THBS1: variants seen among roughly 807,000 people sequenced by gnomAD.
THBS1 encodes thrombospondin-1.
THBS1 carries 29 observed loss-of-function variants against 126.1 expected under a neutral mutation model. The observed-to-expected ratio is 0.23, with a 90% CI of 0.17 to 0.31. The LOEUF (loss-of-function observed/expected upper bound fraction) is 0.31, where lower values mean the gene tolerates loss of function less well. Among genes scored for constraint, THBS1 ranks in the 10% least tolerant of loss-of-function variants. THBS1 has a pLI of 1.00. For missense variants in THBS1, 1,198 were observed against 1,545.2 expected, an observed-to-expected ratio of 0.78 and a Z score of 3.77; for synonymous variants, 496 against 577.8, an observed-to-expected ratio of 0.86 and a Z score of 2.03.
chr15:39,595,884 T>G lies in THBS1; in HGVS notation c.*515T>G, dbSNP rs1890431196. ...TATGAAGAAAATATGGAGGAACTGT[T>G]ACATGTTCGGTACTAAGTCATTTTC... On this transcript the variant is annotated 3_prime_UTR_variant, in exon 22 of 22. Coordinates refer to ENST00000260356, the MANE Select transcript of THBS1 (RefSeq NM_003246.4). 2 of 456,320 alleles carry G rather than the reference T, an allele frequency of 4.4e-6. No individual in the cohort carries two copies. Among genetic ancestry groups the G allele is most frequent in the African/African-American group, 4.0e-5 (2 of 50,104 alleles). The allele number at this position is 456,320 out of a possible 1,614,324, so 28.3% of individuals were successfully genotyped here. A position where few individuals can be genotyped will look rare whatever the true frequency, so the allele number is the denominator to read the frequency against.
chr15:39,582,946 A>G (rs1306339046), intron 3 of THBS1, among the ~76,000 whole-genome samples, 194 bp downstream of exon 3: 7 of 152,176 alleles, frequency 4.6e-5, no homozygotes, highest in Admixed American at 2.0e-4. Context: ...ATTCTGTAAA[A>G]CTGCAACTCT....
At chr15:39,586,060 C>T (rs908846405) in intron 7 of THBS1, among the ~76,000 whole-genome samples, 3 of 152,140 alleles carry the variant, frequency 2.0e-5, no homozygotes, top group African/African-American at 4.8e-5. Flanking sequence ...AAATAAGGCA[C>T]GATATCGTTC....
At chr15:39,583,566 A>AAACCC in intron 3 of THBS1, 51 bp from the exon 4 acceptor site, 1 of 716,662 alleles carries the variant, frequency 1.4e-6, no homozygotes, top group Non-Finnish European at 2.4e-6. Context: ...CCCCAACCCC[A>AAACCC]TCCCCACCCC....
At chr15:39,595,292 A>ACTGAT in intron 21 of THBS1, 70 bp from the exon 22 acceptor site, 1 of 1,052,064 alleles carries the variant, frequency 9.5e-7, no homozygotes, top group Non-Finnish European at 1.3e-6. Flanking sequence ...TTAACTTATT[A>ACTGAT]ACTAAGATGT....
Position 39,587,488 on chromosome 15 carries a change from G to A in THBS1, c.1262G>A (p.Arg421Gln), listed in dbSNP as rs1347334087. The A allele has an allele frequency of 1.2e-5, 19 of 1,612,972 alleles. No homozygotes were observed. The highest frequency in any genetic ancestry group is 1.6e-4 in the Middle Eastern group (1 of 6,084). Residue 421 changes from arginine to glutamine, a missense_variant, in exon 8 of 22, where the codon CGG (arginine) becomes CAG (glutamine). This residue lies in a region of THBS1 where 663 missense variants were observed against 860.1 expected (regional missense o/e 0.77). Transcript: ENST00000260356. Reference protein sequence around the residue: ...NRCEGSSVQTRTCHIQECDKR... With the variant: ...NRCEGSSVQTQTCHIQECDKR... ...TGTGAGGGCTCCTCGGTCCAGACAC[G>A]GACCTGCCACATTCAGGAGTGTGAC... is the stretch of plus-strand genomic sequence containing the variant.
rs1890550496 is a variant in THBS1 at position 39,599,082 on chromosome 15, A to G, written c.*3713A>G. The stretch of plus-strand genomic sequence containing the variant: ...CTGGGACTACAAGCGCCCGCCACCA[A>G]GCCTGGCTAATTCTGTATTTTTAGT... On this transcript the variant is annotated 3_prime_UTR_variant, in exon 22 of 22. Coordinates refer to ENST00000260356, the MANE Select transcript of THBS1 (RefSeq NM_003246.4). The G allele has an allele frequency of 6.6e-6, 1 of 152,128 alleles. No homozygotes were observed. The highest frequency in any genetic ancestry group is 2.4e-5 in the African/African-American group (1 of 41,404). The allele number at this position is 152,128 out of a possible 1,614,324, so 9.4% of individuals were successfully genotyped here. A position where few individuals can be genotyped will look rare whatever the true frequency, so the allele number is the denominator to read the frequency against.
Position 39,590,496 on chromosome 15 carries a change from A to G in THBS1, c.2146-20A>G, listed in dbSNP as rs771536030. On this transcript the variant is annotated intron_variant, in intron 13 of 21. Transcript: ENST00000260356. ...TGAGGAAGGCAACTGAAGCAGTGATATATATCTTCTCTTTCCTAGGATAAT... is the reference window on the plus strand; with the variant it reads ...TGAGGAAGGCAACTGAAGCAGTGATGTATATCTTCTCTTTCCTAGGATAAT... 1.6e-5 allele frequency: 26 copies of G among 1,593,324 alleles called. No individual in the cohort carries two copies. The highest frequency in any genetic ancestry group is 2.1e-5 in the Non-Finnish European group (25 of 1,163,670).
chr15:39,582,279 C>T lies in THBS1; in HGVS notation c.154C>T (p.Pro52Ser), dbSNP rs149965343. The T allele has an allele frequency of 2.2e-5, 36 of 1,614,052 alleles. No individual in the cohort carries two copies. The African/African-American group carries it at 3.6e-4, about 16-fold the overall frequency. The change falls in exon 3 of 22, where the codon CCC (proline) becomes TCC (serine). Residue 52 changes from proline to serine, a missense_variant. Pro to Ser is a moderately conservative substitution (Grantham distance 74). Around this residue, in one of 4 missense-constraint regions of THBS1, gnomAD observed 271 missense variants for 277.0 expected, o/e 0.98. Transcript: ENST00000260356. The stretch of plus-strand genomic sequence containing the variant: ...GTCTGGGCGCCGACTGGTGAAGGGC[C>T]CCGACCCTTCCAGCCCAGCTTTCCG... ...KGSGRRLVKGPDPSSPAFRIE... is the reference protein window; with the variant it reads ...KGSGRRLVKGSDPSSPAFRIE...
At chr15:39,590,223 CTG>C (rs1486460525) in intron 13 of THBS1, among the ~76,000 whole-genome samples, 200 bp downstream of exon 13, 1 of 152,150 alleles carries the variant, frequency 6.6e-6, no homozygotes, top group Non-Finnish European at 1.5e-5. Flanking sequence ...TTTTGGGCAA[CTG>C]TGTTCCATAG....
Position 39,581,163 on chromosome 15 carries a change from C to A in THBS1, c.-95C>A. The A allele has an allele frequency of 6.5e-6, 1 of 154,394 alleles. No individual in the cohort carries two copies. Among genetic ancestry groups the A allele is most frequent in the South Asian group, 1.8e-4 (1 of 5,628 alleles). The allele number at this position is 154,394 out of a possible 1,614,324, so 9.6% of individuals were successfully genotyped here. A position where few individuals can be genotyped will look rare whatever the true frequency, so the allele number is the denominator to read the frequency against. On this transcript the variant is annotated 5_prime_UTR_variant, in exon 1 of 22. Coordinates refer to ENST00000260356, the MANE Select transcript of THBS1 (RefSeq NM_003246.4). ...CTCTACTCCGGACGCACAGGCATTC[C>A]CCGCGCCCCTCCAGCCCTCGCCGCC...
chr15:39,581,930 T>C lies in THBS1; in HGVS notation c.67+6T>C, dbSNP rs1262352728. The stretch of plus-strand genomic sequence containing the variant: ...TGGCACCAACCGCATTCCAGGTGAG[T>C]TTGTGTGGCACCTTTAGGGGAAGGA... On this transcript the variant is annotated splice_donor_region_variant and intron_variant, in intron 2 of 21. Transcript: ENST00000260356. The C allele has an allele frequency of 3.7e-6, 6 of 1,614,016 alleles. No homozygotes were observed. The highest frequency in any genetic ancestry group is 5.1e-6 in the Non-Finnish European group (6 of 1,179,952).
Position 39,593,218 on chromosome 15 carries a change from C to T in THBS1, c.2986C>T (p.Leu996Phe). The T allele has an allele frequency of 6.2e-7, 1 of 1,614,060 alleles. No individual in the cohort carries two copies. The highest frequency in any genetic ancestry group is 8.5e-7 in the Non-Finnish European group (1 of 1,179,990). Reference sequence around the variant, plus strand: ...CCAGACTGTCAACTGTGATCCTGGACTCGCTGTAGGTGAGTAGCGAGTTCT... The same window carrying T: ...CCAGACTGTCAACTGTGATCCTGGATTCGCTGTAGGTGAGTAGCGAGTTCT... Reference protein sequence around the residue: ...LVQTVNCDPGLAVGYDEFNAV... With the variant: ...LVQTVNCDPGFAVGYDEFNAV... The change falls in exon 18 of 22, where the codon CTC (leucine) becomes TTC (phenylalanine). Residue 996 changes from leucine (L) to phenylalanine (F), a missense_variant. Leu to Phe is a conservative substitution (Grantham distance 22). This residue lies in a region of THBS1 where 255 missense variants were observed against 373.9 expected (regional missense o/e 0.68). Transcript: ENST00000260356. This position sits in a 1 kb window ranked among gnomAD's most constrained non-coding sequence, Gnocchi z 5.9.
intron 1 of THBS1, 103 bp from the exon 2 acceptor site, chr15:39,581,726 G>A (rs1304425141): frequency 3.2e-6 from 2 of 629,478 alleles, no homozygotes; most frequent in Non-Finnish European, 5.5e-6. Flanking sequence ...GGGTCAAAGA[G>A]GGATGGTCCC....
chr15:39,582,292 GC>G lies in THBS1; in HGVS notation c.170del (p.Pro57GlnfsTer10). On this transcript the variant is annotated frameshift_variant, in exon 3 of 22. Coordinates refer to ENST00000260356, the MANE Select transcript of THBS1 (RefSeq NM_003246.4). LOFTEE classifies it high-confidence loss of function. ...RRLVKGPDPSSPAFRIEDANL... is the reference protein window; with the variant it reads ...RRLVKGPDPSXPAFRIEDANL... ...CTGGTGAAGGGCCCCGACCCTTCCAGCCCAGCTTTCCGCATCGAGGATGCCA... is the reference window on the plus strand; with the variant it reads ...CTGGTGAAGGGCCCCGACCCTTCCAGCCAGCTTTCCGCATCGAGGATGCCA... 6.2e-7 allele frequency: 1 copy of G among 1,614,232 alleles called. No individual in the cohort carries two copies. Among genetic ancestry groups the G allele is most frequent in the South Asian group, 1.1e-5 (1 of 91,090 alleles).
Position 39,592,750 on chromosome 15 carries a change from T to C in THBS1, c.2715T>C (p.Asp905=). Residue 905 remains aspartate (D), a synonymous_variant, in exon 17 of 22, where the codon GAT becomes GAC. Transcript: ENST00000260356. The surrounding 1 kb of genome is among the most constrained non-coding windows in gnomAD (Gnocchi z 4.3). ...ATGATGACAACGATGGCATTCCTGATGACAAGGACAACTGCAGACTCGTGC... is the reference window on the plus strand; with the variant it reads ...ATGATGACAACGATGGCATTCCTGACGACAAGGACAACTGCAGACTCGTGC... ...DHDDDNDGIP[D]DKDNCRLVPN... is the part of the protein sequence containing the mutation. 6.2e-7 allele frequency: 1 copy of C among 1,614,118 alleles called. No individual in the cohort carries two copies. Among genetic ancestry groups the C allele is most frequent in the South Asian group, 1.1e-5 (1 of 91,052 alleles).
chr15:39,589,222 C>T lies in THBS1; in HGVS notation c.1794C>T (p.Ala598=). ...CATAGTGCAAAGAAGTGCCTGATGC[C>T]TGCTTCAACCACAATGGAGAGCACC... is the stretch of plus-strand genomic sequence containing the variant. ...DVDECKEVPD[A]CFNHNGEHRC... Residue 598 remains alanine (A), a synonymous_variant, in exon 12 of 22, where the codon GCC becomes GCT. Transcript: ENST00000260356. This position sits in a 1 kb window ranked among gnomAD's most constrained non-coding sequence, Gnocchi z 4.7. 1 of 1,614,142 alleles carries T rather than the reference C, an allele frequency of 6.2e-7. No individual in the cohort carries two copies. Among genetic ancestry groups the T allele is most frequent in the Non-Finnish European group, 8.5e-7 (1 of 1,180,034 alleles).
intron 7 of THBS1, chr15:39,586,416 A>G (rs1040720331): frequency 9.2e-5 from 14 of 152,266 alleles, no homozygotes; most frequent in Admixed American, 9.2e-4. Flanking sequence ...AACTTGAATC[A>G]GGGATTGCTA....
Position 39,589,969 on chromosome 15 carries a change from C to A in THBS1, c.2091C>A (p.Gly697=). The A allele has an allele frequency of 6.2e-7, 1 of 1,613,708 alleles. No homozygotes were observed. Among genetic ancestry groups the A allele is most frequent in the East Asian group, 2.2e-5 (1 of 44,856 alleles). Residue 697 remains glycine, a synonymous_variant, in exon 13 of 22, where the codon GGC becomes GGA. Coordinates refer to ENST00000260356, the MANE Select transcript of THBS1 (RefSeq NM_003246.4). The surrounding 1 kb of genome is among the most constrained non-coding windows in gnomAD (Gnocchi z 4.7). ...GCGGGGAGGACACAGACCTGGATGG[C>A]TGGCCCAATGAGAACCTGGTGTGCG... ...IICGEDTDLD[G]WPNENLVCVA...
chr15:39,593,116 A>T lies in THBS1; in HGVS notation c.2884A>T (p.Met962Leu). Residue 962 changes from methionine to leucine, a missense_variant, in exon 18 of 22, where the codon ATG (methionine) becomes TTG (leucine). Coordinates refer to ENST00000260356, the MANE Select transcript of THBS1 (RefSeq NM_003246.4). This position sits in a 1 kb window ranked among gnomAD's most constrained non-coding sequence, Gnocchi z 5.9. The part of the protein sequence containing the change: ...ISETDFRRFQ[M>L]IPLDPKGTSQ... ...TGAGACCGATTTCCGCCGATTCCAG[A>T]TGATTCCTCTGGACCCCAAAGGGAC... 1 of 1,599,548 alleles carries T rather than the reference A, an allele frequency of 6.3e-7. No homozygotes were observed. The highest frequency in any genetic ancestry group is 8.5e-7 in the Non-Finnish European group (1 of 1,173,582).
Sources: gnomAD v4.1 joint callset for allele counts (sites outside exome capture counted in the v4.1 genomes callset) on GRCh38, gnomAD v4.1.1 for gene constraint, gnomAD v4.1.1 regional missense constraint, Gnocchi (gnomAD v3.1) non-coding constraint, MANE v1.5 for transcripts, NCBI Gene and HGNC (gene_info 2026-07-23, HGNC 2026-07-21) for gene names.